LHFPL3: variants seen among roughly 807,000 people sequenced by gnomAD.
The protein encoded by LHFPL3 is LHFPL tetraspan subfamily member 3, also known as LHFPL tetraspan subfamily member 3 protein.
Under a neutral mutation model 19.3 loss-of-function variants are expected in LHFPL3, and 5 were observed. The observed-to-expected ratio is 0.26, with a 90% CI of 0.14 to 0.54. The LOEUF is 0.54. Ranked by LOEUF, LHFPL3 falls within the 20% of genes least tolerant of loss-of-function variation. The pLI, the probability that LHFPL3 is intolerant of heterozygous loss-of-function variation, is 0.94. For synonymous variants in LHFPL3, 133 were observed against 126.2 expected (o/e 1.05, Z -0.36); for missense variants, 249 against 307.4 (o/e 0.81, Z 1.42).
chr7:104,682,306 A>C (rs1792720503), intron 1 of LHFPL3, among the ~76,000 whole-genome samples: 1 of 152,176 alleles, frequency 6.6e-6, no homozygotes, highest in African/African-American at 2.4e-5. Context: ...TTGTTCCTCA[A>C]GGTGTCATCC....
intron 1 of LHFPL3, among the ~76,000 whole-genome samples, chr7:104,449,566 C>A (rs1792392909): frequency 6.6e-6 from 1 of 152,294 alleles, no homozygotes; most frequent in African/African-American, 2.4e-5. Context: ...GAGGACAGGG[C>A]AGAGAGTAAA....
intron 1 of LHFPL3, among the ~76,000 whole-genome samples, chr7:104,655,642 A>C (rs1352654048): frequency 6.6e-6 from 1 of 152,224 alleles, no homozygotes; most frequent in Non-Finnish European, 1.5e-5. Context: ...AATTGGCAAA[A>C]TGTAAATAGA....
At chr7:104,500,182 C>T (rs1025618472) in intron 1 of LHFPL3, among the ~76,000 whole-genome samples, 13 of 152,146 alleles carry the variant, frequency 8.5e-5, no homozygotes, top group African/African-American at 2.4e-4. Flanking sequence ...TTAATAGTGA[C>T]GTCATTCTTC....
chr7:104,738,102 G>A (rs184545450), intron 2 of LHFPL3, among the ~76,000 whole-genome samples: 22 of 152,202 alleles, frequency 1.4e-4, no homozygotes, highest in African/African-American at 5.3e-4. Context: ...TTTATAGACA[G>A]AACACATATT....
chr7:104,902,703 T>C (rs866572003), intron 2 of LHFPL3, among the ~76,000 whole-genome samples: 8 of 152,096 alleles, frequency 5.3e-5, no homozygotes, highest in African/African-American at 1.9e-4. Flanking sequence ...GGAGAATCGC[T>C]TGAACCAGGG....
intron 2 of LHFPL3, among the ~76,000 whole-genome samples, chr7:104,874,024 G>A (rs1415020193): frequency 3.3e-5 from 5 of 152,198 alleles, no homozygotes; most frequent in Non-Finnish European, 1.5e-5. Context: ...TTCCCTCACT[G>A]ATGCAAACCA....
At position 104,328,738 on chromosome 7, in the gene LHFPL3, CGGAGGACCAGGAGGAGGAGGA is replaced by C. The variant is rs1801510608; in HGVS notation, c.-35_-15del. The stretch of plus-strand genomic sequence containing the variant: ...CTGCGCGCTGAGAGGCGGGGGGAGG[CGGAGGACCAGGAGGAGGAGGA>C]GGAGGAGGAGGAGGGGGAGAATGCC... On this transcript the variant is annotated 5_prime_UTR_variant, in exon 1 of 3. Transcript: ENST00000424859. This position sits in a 1 kb window ranked among gnomAD's most constrained non-coding sequence, Gnocchi z 4.6. 2.7e-6 allele frequency: 4 copies of C among 1,497,622 alleles called. No individual in the cohort carries two copies. Among genetic ancestry groups the C allele is most frequent in the South Asian group, 2.4e-5 (2 of 82,206 alleles). 92.8% of individuals were successfully genotyped at this position (1,497,622 alleles called of 1,614,324 possible). A position where few individuals can be genotyped will look rare whatever the true frequency, so the allele number is the denominator to read the frequency against.
intron 2 of LHFPL3, among the ~76,000 whole-genome samples, chr7:104,897,604 G>A (rs1235242375): frequency 2.6e-5 from 4 of 152,154 alleles, no homozygotes; most frequent in African/African-American, 9.7e-5. Flanking sequence ...TTAAAGAGCT[G>A]TACCTTACCA....
At chr7:104,732,887 C>G (rs1034716205) in intron 1 of LHFPL3, among the ~76,000 whole-genome samples, 2 of 152,184 alleles carry the variant, frequency 1.3e-5, no homozygotes, top group Non-Finnish European at 2.9e-5. Context: ...CCTCTACACA[C>G]CGCTTTAAAT....
At chr7:104,763,058 T>C (rs1794402939) in intron 2 of LHFPL3, among the ~76,000 whole-genome samples, 1 of 152,222 alleles carries the variant, frequency 6.6e-6, no homozygotes, top group Non-Finnish European at 1.5e-5. Flanking sequence ...TTACTGAGGC[T>C]ACAATTCAGA....
chr7:104,617,857 G>A (rs750908674), intron 1 of LHFPL3, among the ~76,000 whole-genome samples: 1 of 152,116 alleles, frequency 6.6e-6, no homozygotes, highest in Non-Finnish European at 1.5e-5. Flanking sequence ...ATCTATATAC[G>A]CTATATAAAG....
chr7:104,419,912 T>C (rs1791692592), intron 1 of LHFPL3, among the ~76,000 whole-genome samples: 2 of 152,188 alleles, frequency 1.3e-5, no homozygotes, highest in African/African-American at 4.8e-5. Flanking sequence ...ATCCCGGTTC[T>C]ATCCTTGATA....
At chr7:104,525,606 GTTT>G (rs1361749453) in intron 1 of LHFPL3, among the ~76,000 whole-genome samples, 6 of 111,982 alleles carry the variant, frequency 5.4e-5, no homozygotes, top group African/African-American at 1.7e-4. Context: ...TGTTTTTTGG[GTTT>G]TTTTTTTTTT....
At chr7:104,460,424 A>G (rs1264179596) in intron 1 of LHFPL3, among the ~76,000 whole-genome samples, 1 of 152,214 alleles carries the variant, frequency 6.6e-6, no homozygotes, top group Non-Finnish European at 1.5e-5. Flanking sequence ...AGGAATTGAC[A>G]CACTGCTTTC....
intron 1 of LHFPL3, among the ~76,000 whole-genome samples, chr7:104,728,199 C>T (rs116084892): frequency 0.011 from 1,642 of 152,254 alleles, 33 homozygotes; most frequent in African/African-American, 0.038. Flanking sequence ...GTCTCTGTCT[C>T]CTCCAGACCT....
chr7:104,631,619 G>A (rs1363030263), intron 1 of LHFPL3, among the ~76,000 whole-genome samples: 2 of 152,138 alleles, frequency 1.3e-5, no homozygotes, highest in South Asian at 2.1e-4. Flanking sequence ...CTCCACTGGT[G>A]GGGTTCAGAA....
At chr7:104,401,724 TC>T (rs1199957815) in intron 1 of LHFPL3, among the ~76,000 whole-genome samples, 1 of 152,230 alleles carries the variant, frequency 6.6e-6, no homozygotes, top group Non-Finnish European at 1.5e-5. Context: ...ACTCATTCAT[TC>T]TCTGATTTAG....
chr7:104,612,844 G>C (rs545318552), intron 1 of LHFPL3, among the ~76,000 whole-genome samples: 1 of 152,222 alleles, frequency 6.6e-6, no homozygotes, highest in East Asian at 1.9e-4. Flanking sequence ...GACTATCTTT[G>C]AGAATCCAAA....
At chr7:104,775,780 A>G (rs537848534) in intron 2 of LHFPL3, among the ~76,000 whole-genome samples, 92 of 151,844 alleles carry the variant, frequency 6.1e-4, no homozygotes, top group African/African-American at 1.9e-3. Context: ...ACAACTAACA[A>G]TCTTTCTTCC....
Sources: allele counts gnomAD v4.1 joint callset (sites outside exome capture counted in the v4.1 genomes callset), GRCh38; gene constraint gnomAD v4.1.1; non-coding constraint Gnocchi (gnomAD v3.1); transcripts MANE v1.5; gene names NCBI Gene and HGNC (gene_info 2026-07-23, HGNC 2026-07-21).